Variants in UGT1A3 observed in about 807,000 individuals in gnomAD.
The protein encoded by UGT1A3 is UDP glucuronosyltransferase family 1 member A3, also known as UDP-glucuronosyltransferase 1A3.
Under a neutral mutation model 41.0 loss-of-function variants are expected in UGT1A3, and 31 were observed. That is an observed-to-expected ratio of 0.76 (90% CI 0.57 to 1.02). The LOEUF (loss-of-function observed/expected upper bound fraction) is 1.02. Ranked by LOEUF, UGT1A3 falls within the 50% of genes least tolerant of loss-of-function variation. The probability of loss-of-function intolerance (pLI) is 0.00; values close to 1 mark genes in which losing one functional copy is unlikely to be tolerated. For missense variants in UGT1A3, 737 were observed against 671.0 expected, an observed-to-expected ratio of 1.10 and a Z score of -1.09; for synonymous variants, 262 against 257.6, an observed-to-expected ratio of 1.02 and a Z score of -0.17.
intron 1 of UGT1A3, chr2:233,743,979 A>C (rs1692622611): frequency 3.1e-6 from 4 of 1,306,002 alleles, no homozygotes; most frequent in African/African-American, 1.5e-5. Flanking sequence ...GCCAGCACCC[A>C]GGCGCAGGCC....
At position 233,769,644 on chromosome 2, in the gene UGT1A3, G is replaced by A; in HGVS notation, c.1307+1205G>A. ...CAAGGGACAACAGGGGAGGACTGAT[G>A]ACTGACTTCCCACCTTTGAGGTGCT... On this transcript the variant is annotated intron_variant, in intron 4 of 4. Transcript: ENST00000482026. This position sits in a 1 kb window ranked among gnomAD's most constrained non-coding sequence, Gnocchi z 4.4. The A allele has an allele frequency of 6.2e-7, 1 of 1,608,954 alleles. No individual in the cohort carries two copies. Among genetic ancestry groups the A allele is most frequent in the South Asian group, 1.1e-5 (1 of 90,446 alleles).
intron 1 of UGT1A3, chr2:233,747,088 C>A: frequency 2.5e-6 from 3 of 1,192,376 alleles, no homozygotes; most frequent in East Asian, 2.7e-5. Flanking sequence ...AGGAGGAGAG[C>A]ACTCTATCTT....
At chr2:233,747,468 C>A in intron 1 of UGT1A3, 1 of 1,608,682 alleles carries the variant, frequency 6.2e-7, no homozygotes, top group Non-Finnish European at 8.5e-7. Flanking sequence ...TTCATGGACC[C>A]AGGATGAATT....
In UGT1A3 at chr2:233,760,531, C is replaced by T. The variant is rs1397137648; in HGVS notation, c.868-6503C>T. 4 of 1,614,130 alleles carry T rather than the reference C, an allele frequency of 2.5e-6. No homozygotes were observed. Among genetic ancestry groups the T allele is most frequent in the Non-Finnish European group, 3.4e-6 (4 of 1,180,056 alleles). ...TTACACCTTGAAGACGTACCCTGTG[C>T]CATTCCAAAGGGAGGATGTGAAAGA... is the stretch of plus-strand genomic sequence containing the variant. On this transcript the variant is annotated intron_variant, in intron 1 of 4. Coordinates refer to ENST00000482026, the MANE Select transcript of UGT1A3 (RefSeq NM_019093.4).
At chr2:233,748,007 C>T (rs1468299644) in intron 1 of UGT1A3, 2 of 1,613,408 alleles carry the variant, frequency 1.2e-6, no homozygotes, top group Admixed American at 1.7e-5. Context: ...TGATGGATTA[C>T]CCCAGGCCGA....
intron 1 of UGT1A3, chr2:233,747,336 G>A (rs1693629813): frequency 6.2e-7 from 1 of 1,603,524 alleles, no homozygotes; most frequent in Admixed American, 1.7e-5. Flanking sequence ...GCAGCCACTG[G>A]CTCGCATGCG....
chr2:233,745,309 A>G (rs1470353088), intron 1 of UGT1A3, among the ~76,000 whole-genome samples: 1 of 151,872 alleles, frequency 6.6e-6, no homozygotes, highest in African/African-American at 2.4e-5. Context: ...TGCAGTGATT[A>G]TTTCCACTAG....
At position 233,729,598 on chromosome 2, in the gene UGT1A3, G is replaced by A. The variant is rs775320084; in HGVS notation, c.472G>A (p.Ala158Thr). The A allele has an allele frequency of 6.8e-5, 109 of 1,613,866 alleles. No homozygotes were observed. Among genetic ancestry groups the A allele is most frequent in the East Asian group, 3.1e-4 (14 of 44,894 alleles). ...TTTAACAGACCCCGTTAACCTCTGC[G>A]CGGCAGTGCTGGCTAAGTACCTGTC... ...VVLTDPVNLCAAVLAKYLSIP... is the reference protein window; with the variant it reads ...VVLTDPVNLCTAVLAKYLSIP... Residue 158 changes from alanine to threonine, a missense_variant, in exon 1 of 5, where the codon GCG (alanine) becomes ACG (threonine). Ala to Thr is a moderately conservative substitution (Grantham distance 58). Transcript: ENST00000482026.
At chr2:233,747,498 C>T in intron 1 of UGT1A3, 3 of 1,608,498 alleles carry the variant, frequency 1.9e-6, no homozygotes, top group East Asian at 4.5e-5. Flanking sequence ...TGTGCTGGGC[C>T]ACACTCAACT....
intron 1 of UGT1A3, among the ~76,000 whole-genome samples, chr2:233,737,541 G>A (rs576280713): frequency 6.6e-6 from 1 of 152,104 alleles, no homozygotes; most frequent in African/African-American, 2.4e-5. Flanking sequence ...GCCCTGCTTC[G>A]GCTTGCCCTC....
intron 4 of UGT1A3, 141 bp from the exon 5 acceptor site, chr2:233,772,121 A>G (rs1700464969): frequency 3.3e-6 from 5 of 1,536,424 alleles, no homozygotes; most frequent in East Asian, 2.5e-5. Flanking sequence ...TCTAAAAACA[A>G]CAACAACAAC....
chr2:233,760,979 C>A, intron 1 of UGT1A3: 1 of 1,614,224 alleles, frequency 6.2e-7, no homozygotes, highest in Non-Finnish European at 8.5e-7. Context: ...TCCCCGTATG[C>A]AACCCTTGCC....
chr2:233,762,345 C>A (rs964115716), intron 1 of UGT1A3, among the ~76,000 whole-genome samples: 1 of 152,164 alleles, frequency 6.6e-6, no homozygotes, highest in Non-Finnish European at 1.5e-5. Flanking sequence ...CTTTTTAGTT[C>A]TTTGTACTCC....
intron 1 of UGT1A3, chr2:233,747,495 G>A (rs1693698744): frequency 6.2e-7 from 1 of 1,608,584 alleles, no homozygotes; most frequent in African/African-American, 1.3e-5. Flanking sequence ...CCTTGTGCTG[G>A]GCCACACTCA....
chr2:233,748,418 A>G (rs1693939912), intron 1 of UGT1A3, among the ~76,000 whole-genome samples: 1 of 151,750 alleles, frequency 6.6e-6, no homozygotes, highest in African/African-American at 2.4e-5. Context: ...TTGAGACTTG[A>G]CCCATCTGGA....
At chr2:233,757,535 A>AATAAATATACATATACATATATATATAT (rs1553619837) in intron 1 of UGT1A3, among the ~76,000 whole-genome samples, 4 of 88,284 alleles carry the variant, frequency 4.5e-5, no homozygotes, top group African/African-American at 2.0e-4. Flanking sequence ...GCCTGTAAGG[A>AATAAATATACATATACATATATATATAT]ATATATATAT....
At position 233,747,376 on chromosome 2, in the gene UGT1A3, G is replaced by A. The variant is rs1236630048; in HGVS notation, c.867+17383G>A. On this transcript the variant is annotated intron_variant, in intron 1 of 4. Transcript: ENST00000482026. The stretch of plus-strand genomic sequence containing the variant: ...GCCGTGCGGGAGCTCCATGCCAGAG[G>A]CCACCAGGCGGTGGTCCTCACCCCA... 3 of 1,604,666 alleles carry A rather than the reference G, an allele frequency of 1.9e-6. No individual in the cohort carries two copies. The African/African-American group carries it at 4.0e-5, about 22-fold the overall frequency.
intron 1 of UGT1A3, among the ~76,000 whole-genome samples, chr2:233,751,413 T>C (rs1057500388): frequency 6.6e-6 from 1 of 152,208 alleles, no homozygotes; most frequent in Non-Finnish European, 1.5e-5. Flanking sequence ...TATGGACTTT[T>C]GAGCTAGTGC....
At chr2:233,733,899 C>G (rs563890237) in intron 1 of UGT1A3, among the ~76,000 whole-genome samples, 41 of 152,048 alleles carry the variant, frequency 2.7e-4, no homozygotes, top group African/African-American at 9.9e-4. Flanking sequence ...CCTGTTTGTA[C>G]CTCTCTGGTA....
Sources: gnomAD v4.1 joint callset for allele counts (sites outside exome capture counted in the v4.1 genomes callset) on GRCh38, gnomAD v4.1.1 for gene constraint, Gnocchi (gnomAD v3.1) non-coding constraint, MANE v1.5 for transcripts, NCBI Gene and HGNC (gene_info 2026-07-23, HGNC 2026-07-21) for gene names.